Variants in IQCK observed in about 807,000 individuals in gnomAD.
IQCK encodes the protein IQ motif containing K.
Under a neutral mutation model 28.1 loss-of-function variants are expected in IQCK, and 29 were observed. That is an observed-to-expected ratio of 1.03 (90% CI 0.77 to 1.41). IQCK has a LOEUF of 1.41. Ranked by LOEUF, IQCK falls within the 40% of genes most tolerant of loss-of-function variation. The pLI, the probability that IQCK is intolerant of heterozygous loss-of-function variation, is 0.00. For missense variants in IQCK, 359 were observed against 314.7 expected (o/e 1.14, Z -1.07); for synonymous variants, 113 against 115.1 (o/e 0.98, Z 0.12).
chr16:19,725,920 CTTTTTTTTT>C (rs1284380125), intron 1 of IQCK, among the ~76,000 whole-genome samples: 1 of 139,882 alleles, frequency 7.1e-6, no homozygotes, highest in Non-Finnish European at 1.6e-5. Flanking sequence ...TCTTTTTTTT[CTTTTTTTTT>C]TTTGGAGATG....
chr16:19,736,172 C>T (rs1414627308), intron 4 of IQCK: 10 of 455,608 alleles, frequency 2.2e-5, no homozygotes, highest in East Asian at 2.1e-4. Flanking sequence ...GTAAACTGCT[C>T]GCAGAGAGTC....
rs768781485 is a variant in IQCK, at chr16:19,718,297, AACCGCGGCCATGGCGGC to A, written c.-1_16del. ...TTCCGGCGAACGCGGTTACCGTGGAAACCGCGGCCATGGCGGCACCGCGGCAAATCCCCAGCCACATA... is the reference window on the plus strand; with the variant it reads ...TTCCGGCGAACGCGGTTACCGTGGAAACCGCGGCAAATCCCCAGCCACATA... On this transcript the variant is annotated start_lost and 5_prime_UTR_variant, in exon 1 of 8. Transcript: ENST00000564186. 14 of 1,599,800 alleles carry A rather than the reference AACCGCGGCCATGGCGGC, an allele frequency of 8.8e-6. No homozygotes were observed. The East Asian group carries it at 2.7e-4, about 31-fold the overall frequency.
chr16:19,766,302 A>G (rs541812173), intron 6 of IQCK, among the ~76,000 whole-genome samples: 1 of 152,316 alleles, frequency 6.6e-6, no homozygotes, highest in South Asian at 2.1e-4. Flanking sequence ...AACTTGCTGT[A>G]GTTTCTGTAG....
intron 1 of IQCK, among the ~76,000 whole-genome samples, chr16:19,719,101 C>T (rs553537018): frequency 2.6e-5 from 4 of 152,222 alleles, no homozygotes; most frequent in African/African-American, 9.6e-5. Context: ...ACTTATGACC[C>T]TGTCTGCAAA....
chr16:19,830,298 C>G (rs1216041935), downstream of IQCK, among the ~76,000 whole-genome samples: 1 of 152,154 alleles, frequency 6.6e-6, no homozygotes, highest in Non-Finnish European at 1.5e-5. Context: ...TTCTGTTGGT[C>G]TGTATTCTTT....
At chr16:19,805,749 TAAAG>T (rs1182095179) in intron 7 of IQCK, among the ~76,000 whole-genome samples, 1 of 152,018 alleles carries the variant, frequency 6.6e-6, no homozygotes, top group Non-Finnish European at 1.5e-5. Context: ...GGCATTGCAG[TAAAG>T]AAAGAGTTTA....
chr16:19,823,053 G>A (rs561325323), intron 7 of IQCK, among the ~76,000 whole-genome samples: 348 of 152,158 alleles, frequency 2.3e-3, no homozygotes, highest in African/African-American at 8.1e-3. Flanking sequence ...AACCTGGCTC[G>A]GTCTCACCCT....
At chr16:19,767,848 C>T (rs555996254) in intron 6 of IQCK, among the ~76,000 whole-genome samples, 4 of 151,936 alleles carry the variant, frequency 2.6e-5, no homozygotes, top group Non-Finnish European at 2.9e-5. Flanking sequence ...CCACTGCACG[C>T]CAGCCTGGGT....
chr16:19,736,214 T>C (rs896363861), intron 4 of IQCK: 2 of 451,920 alleles, frequency 4.4e-6, no homozygotes, highest in African/African-American at 4.0e-5. Flanking sequence ...GTAAATAACA[T>C]TAACATCACA....
intron 6 of IQCK, among the ~76,000 whole-genome samples, chr16:19,770,464 T>G (rs1483229624): frequency 6.6e-6 from 1 of 152,172 alleles, no homozygotes; most frequent in African/African-American, 2.4e-5. Context: ...AGAGCCTAAT[T>G]CTTTTCTGGA....
intron 9 of IQCK, among the ~76,000 whole-genome samples, chr16:19,832,579 TACTTA>T (rs1307801121): frequency 6.6e-6 from 1 of 152,118 alleles, no homozygotes; most frequent in Non-Finnish European, 1.5e-5. Flanking sequence ...GTAAGTAAAA[TACTTA>T]ACTTCAAGGC....
intron 9 of IQCK, among the ~76,000 whole-genome samples, chr16:19,832,707 G>T (rs527852034): frequency 6.6e-6 from 1 of 152,266 alleles, no homozygotes; most frequent in East Asian, 1.9e-4. Flanking sequence ...CTGAGACTGG[G>T]TAATTTATAA....
At chr16:19,850,617 C>T (rs1002527061) in intron 9 of IQCK, among the ~76,000 whole-genome samples, 4 of 152,110 alleles carry the variant, frequency 2.6e-5, no homozygotes, top group Admixed American at 6.6e-5. Context: ...CAAGTTCTCC[C>T]CGCAGTATGT....
chr16:19,849,261 G>T (rs2056450808), intron 9 of IQCK, among the ~76,000 whole-genome samples: 1 of 142,208 alleles, frequency 7.0e-6, no homozygotes, highest in Non-Finnish European at 1.5e-5. Context: ...CTATGTTCAG[G>T]TTTTTTTTTT....
chr16:19,813,420 C>A (rs1463582839), intron 7 of IQCK, among the ~76,000 whole-genome samples: 1 of 150,304 alleles, frequency 6.7e-6, no homozygotes, highest in Admixed American at 6.6e-5. Context: ...AGCAAGCTAT[C>A]TTAAAGGAAA....
chr16:19,826,899 G>GGACGAT, intron 7 of IQCK, 127 bp from the exon 8 acceptor site: 1 of 680,254 alleles, frequency 1.5e-6, no homozygotes, highest in East Asian at 2.5e-5. Context: ...AATTCATTTA[G>GGACGAT]GACGATGATT....
intron 1 of IQCK, among the ~76,000 whole-genome samples, chr16:19,723,235 C>T (rs982180414): frequency 3.3e-5 from 5 of 151,944 alleles, no homozygotes; most frequent in East Asian, 1.9e-4. Context: ...CACTGGCTGT[C>T]GTAGGAACCT....
intron 1 of IQCK, among the ~76,000 whole-genome samples, chr16:19,728,671 C>T (rs1977734944): frequency 6.6e-6 from 1 of 152,110 alleles, no homozygotes; most frequent in Non-Finnish European, 1.5e-5. Flanking sequence ...CTGATAAAAC[C>T]CTGATCCATT....
At chr16:19,849,430 A>G (rs2056453360) in intron 9 of IQCK, among the ~76,000 whole-genome samples, 1 of 152,094 alleles carries the variant, frequency 6.6e-6, no homozygotes, top group African/African-American at 2.4e-5. Flanking sequence ...TTGTTCTAAA[A>G]AAATAAAAAT....
Sources: allele counts gnomAD v4.1 joint callset (sites outside exome capture counted in the v4.1 genomes callset), GRCh38; gene constraint gnomAD v4.1.1; transcripts MANE v1.5; gene names NCBI Gene and HGNC (gene_info 2026-07-23, HGNC 2026-07-21).